FMC1: variants seen among roughly 807,000 people sequenced by gnomAD.
The protein encoded by FMC1 is formation of mitochondrial complex V assembly factor 1, also known as protein FMC1 homolog.
A neutral mutation model predicts 10.5 loss-of-function variants in FMC1; 6 were observed. The observed-to-expected ratio is 0.57, with a 90% CI of 0.31 to 1.12. FMC1 has a LOEUF of 1.12. FMC1 is among the 50% of genes most tolerant of loss of function. The pLI is 0.05. For missense variants in FMC1, 146 were observed against 151.7 expected (o/e 0.96, Z 0.20); for synonymous variants, 59 against 62.1 (o/e 0.95, Z 0.24).
rs778165261 is a variant in FMC1 at position 139,345,639 on chromosome 7, G to C, written c.277G>C (p.Glu93Gln). ...TGGCAAGGGTGAGCGCTCGGTGGAG[G>C]AGTCTGCTGGCTTGGTGGGTCTCAA... ...FHGKGERSVE[E>Q]SAGLVGLKLP... The change falls in exon 2 of 2, where the codon GAG (glutamate) becomes CAG (glutamine). Residue 93 changes from glutamate to glutamine, a missense_variant. Physicochemically the swap from Glu to Gln is conservative, Grantham distance 29. Transcript: ENST00000297534. 3.7e-6 allele frequency: 6 copies of C among 1,614,082 alleles called. No individual in the cohort carries two copies. The highest frequency in any genetic ancestry group is 5.1e-6 in the Non-Finnish European group (6 of 1,180,050).
chr7:139,342,596 C>T (rs1352611001), intron 1 of FMC1, among the ~76,000 whole-genome samples: 3 of 152,122 alleles, frequency 2.0e-5, no homozygotes, highest in African/African-American at 7.2e-5. Flanking sequence ...CCGAGTAGTA[C>T]AGGCAGGCGA....
At chr7:139,343,354 A>G (rs1799094629) in intron 1 of FMC1, among the ~76,000 whole-genome samples, 1 of 152,248 alleles carries the variant, frequency 6.6e-6, no homozygotes, top group Admixed American at 6.5e-5. Flanking sequence ...CATGATCTGC[A>G]GATCCTAAAA....
In FMC1 at chr7:139,341,465, A is replaced by T; in HGVS notation, c.81A>T (p.Arg27=). The change falls in exon 1 of 2, where the codon CGA becomes CGT. Residue 27 remains arginine, a synonymous_variant. Coordinates refer to ENST00000297534, the MANE Select transcript of FMC1 (RefSeq NM_197964.5). ...ELRYLSAATG[R]PYRDTAAYRY... is the part of the protein sequence containing the mutation. ...GCTACCTGAGCGCGGCCACCGGCCG[A>T]CCCTATCGCGACACCGCGGCCTATC... is the stretch of plus-strand genomic sequence containing the variant. The T allele has an allele frequency of 6.2e-7, 1 of 1,613,586 alleles. No homozygotes were observed. Among genetic ancestry groups the T allele is most frequent in the Non-Finnish European group, 8.5e-7 (1 of 1,179,954 alleles).
intron 1 of FMC1, chr7:139,344,827 T>G (rs956440245): frequency 2.0e-5 from 3 of 150,070 alleles, no homozygotes; most frequent in African/African-American, 7.3e-5. Context: ...CTCAGCCTCC[T>G]GAGTAGTTGG....
intron 1 of FMC1, chr7:139,344,848 A>C (rs1038885876): frequency 1.4e-5 from 2 of 146,182 alleles, no homozygotes; most frequent in Admixed American, 1.4e-4. Flanking sequence ...TACTACAGGC[A>C]CCCGCCACCA....
At chr7:139,341,191 G>T (rs878942293), upstream of FMC1, 11 of 999,858 alleles carry the variant, frequency 1.1e-5, no homozygotes, top group South Asian at 8.5e-5. Flanking sequence ...GGTTTCGTTT[G>T]ATTTTGTTAC....
chr7:139,342,935 A>G (rs1341893535), intron 1 of FMC1, among the ~76,000 whole-genome samples: 1 of 152,242 alleles, frequency 6.6e-6, no homozygotes, highest in African/African-American at 2.4e-5. Context: ...CTTCAGGCTC[A>G]CAGCTAACTG....
chr7:139,340,959 A>G (rs1379329201), upstream of FMC1, among the ~76,000 whole-genome samples: 1 of 152,126 alleles, frequency 6.6e-6, no homozygotes, highest in Admixed American at 6.5e-5. Flanking sequence ...GGGAGACGTC[A>G]ATACGTTGAA....
upstream of FMC1, chr7:139,340,584 C>G (rs1798884956): frequency 2.5e-6 from 1 of 397,476 alleles, no homozygotes; most frequent in South Asian, 1.4e-4. Context: ...TACGTCACCC[C>G]TCACGTGGGC....
chr7:139,344,777 A>C (rs1799189820), intron 1 of FMC1: 1 of 134,254 alleles, frequency 7.4e-6, no homozygotes, highest in Admixed American at 8.9e-5. Context: ...ATCTTGGCTC[A>C]CTGCAAGCTC....
chr7:139,340,646 C>G (rs1265463077), upstream of FMC1: 1 of 396,192 alleles, frequency 2.5e-6, no homozygotes, highest in East Asian at 3.6e-5. Flanking sequence ...GTGACGATGA[C>G]GTACCAAAGA....
At chr7:139,341,264 C>T, upstream of FMC1, 3 of 1,462,232 alleles carry the variant, frequency 2.1e-6, no homozygotes, top group East Asian at 2.3e-5. Flanking sequence ...TTCCACTGCT[C>T]GTCAGTCGAT....
At chr7:139,340,632 T>G (rs1355176023), upstream of FMC1, 1 of 396,642 alleles carries the variant, frequency 2.5e-6, no homozygotes, top group African/African-American at 2.1e-5. Flanking sequence ...AAGGCGAAAA[T>G]GAAGTGACGA....
upstream of FMC1, chr7:139,340,528 T>C (rs1798882295): frequency 2.5e-6 from 1 of 398,550 alleles, no homozygotes; most frequent in Non-Finnish European, 4.4e-6. Flanking sequence ...GTAAAGCCTT[T>C]GGCGCGGTGA....
intron 1 of FMC1, among the ~76,000 whole-genome samples, chr7:139,344,243 G>A (rs893863646): frequency 2.6e-5 from 4 of 152,164 alleles, no homozygotes; most frequent in African/African-American, 9.7e-5. Flanking sequence ...GTAAGAGCGA[G>A]AATAGCCATT....
In FMC1 at chr7:139,345,861, T is replaced by A; in HGVS notation, c.*157T>A. 1.2e-6 allele frequency: 1 copy of A among 823,694 alleles called. No individual in the cohort carries two copies. Among genetic ancestry groups the A allele is most frequent in the Non-Finnish European group, 1.8e-6 (1 of 569,576 alleles). The allele number at this position is 823,694 out of a possible 1,614,324, so 51.0% of individuals were successfully genotyped here. A position where few individuals can be genotyped will look rare whatever the true frequency, so the allele number is the denominator to read the frequency against. ...TTAACTGGACATTTCATCTTTACTC[T>A]CAGTGAATTTACTGAACTTTTTGCA... is the stretch of plus-strand genomic sequence containing the variant. On this transcript the variant is annotated 3_prime_UTR_variant, in exon 2 of 2. Transcript: ENST00000297534.
Position 139,345,669 on chromosome 7 carries a change from C to T in FMC1, c.307C>T (p.Pro103Ser). The change falls in exon 2 of 2, where the codon CCC becomes TCC. Residue 103 changes from proline to serine, a missense_variant. Transcript: ENST00000297534. ...TGCTGGCTTGGTGGGTCTCAAGTTG[C>T]CCCATCAGCCTGGAGGGAAGGGCTG... The part of the protein sequence containing the change: ...ESAGLVGLKL[P>S]HQPGGKGWEP 1.9e-6 allele frequency: 3 copies of T among 1,614,148 alleles called. No individual in the cohort carries two copies. The highest frequency in any genetic ancestry group is 2.5e-6 in the Non-Finnish European group (3 of 1,180,020).
intron 1 of FMC1, chr7:139,345,070 A>C (rs1799208271): frequency 6.3e-6 from 1 of 158,028 alleles, no homozygotes; most frequent in South Asian, 1.8e-4. Context: ...AAGTCACAGA[A>C]ATATAAATAA....
chr7:139,343,670 C>G (rs1222813987), intron 1 of FMC1, among the ~76,000 whole-genome samples: 1 of 152,148 alleles, frequency 6.6e-6, no homozygotes, highest in Non-Finnish European at 1.5e-5. Context: ...AGCGGTGGCT[C>G]ACACCTGTAA....
Sources: gnomAD v4.1 joint callset for allele counts (sites outside exome capture counted in the v4.1 genomes callset) on GRCh38, gnomAD v4.1.1 for gene constraint, MANE v1.5 for transcripts, NCBI Gene and HGNC (gene_info 2026-07-23, HGNC 2026-07-21) for gene names.